Variants in PLA2R1 observed in about 807,000 individuals in gnomAD.
The protein encoded by PLA2R1 is secretory phospholipase A2 receptor.
Under a neutral mutation model 195.9 loss-of-function variants are expected in PLA2R1, and 158 were observed. That is an observed-to-expected ratio of 0.81 (90% CI 0.71 to 0.92). The LOEUF is 0.92. Among genes scored for constraint, PLA2R1 ranks in the 40% least tolerant of loss-of-function variants. The probability of loss-of-function intolerance (pLI) is 0.00; values close to 1 mark genes in which losing one functional copy is unlikely to be tolerated. For missense variants in PLA2R1, 1,626 were observed against 1,764.6 expected (o/e 0.92, Z 1.41); for synonymous variants, 586 against 598.2 (o/e 0.98, Z 0.30).
At chr2:160,020,053 G>A (rs1693005402) in intron 8 of PLA2R1, 53 bp downstream of exon 8, 1 of 1,375,190 alleles carries the variant, frequency 7.3e-7, no homozygotes, top group East Asian at 2.3e-5. Context: ...CAACACAGGT[G>A]GCCTTCAGTA....
In PLA2R1 at chr2:160,033,116, A is replaced by G. The variant is rs200964081; in HGVS notation, c.684T>C (p.Gly228=). Residue 228 remains glycine (G), a synonymous_variant, in exon 4 of 30, where the codon GGT becomes GGC. Coordinates refer to ENST00000283243, the MANE Select transcript of PLA2R1 (RefSeq NM_007366.5). ...GGTCCTTCTCCCAAATAGTATCACA[A>G]CCTACTTCTGCAGAGGCTGGAAACA... ...FCPDPTSAEV[G]CDTIWEKDLN... is the part of the protein sequence containing the mutation. 9.9e-6 allele frequency: 16 copies of G among 1,611,762 alleles called. 1 individual carries two copies. Among genetic ancestry groups the G allele is most frequent in the South Asian group, 5.5e-5 (5 of 90,454 alleles).
chr2:160,007,990 C>T (rs1692110081), intron 10 of PLA2R1, among the ~76,000 whole-genome samples: 1 of 152,220 alleles, frequency 6.6e-6, no homozygotes. Flanking sequence ...TCCAAACTTA[C>T]TACAAAGCTA....
At chr2:159,946,483 T>C (rs746171208) in intron 27 of PLA2R1, 58 of 1,022,906 alleles carry the variant, frequency 5.7e-5, no homozygotes, top group Non-Finnish European at 3.0e-5. Context: ...ACCTGGGATA[T>C]TTTCCAGTAA....
intron 2 of PLA2R1, among the ~76,000 whole-genome samples, chr2:160,043,110 C>A (rs2105601564): frequency 6.6e-6 from 1 of 152,150 alleles, no homozygotes; most frequent in Non-Finnish European, 1.5e-5. Context: ...CAGGGACGTA[C>A]TAGAGTGTCA....
At chr2:160,028,679 C>T (rs1357694532) in intron 5 of PLA2R1, among the ~76,000 whole-genome samples, 171 bp downstream of exon 5, 2 of 152,184 alleles carry the variant, frequency 1.3e-5, no homozygotes, top group Non-Finnish European at 2.9e-5. Context: ...GCTTATCTTC[C>T]TGGTCCCTAT....
At chr2:160,053,250 C>A (rs1695325378) in intron 1 of PLA2R1, among the ~76,000 whole-genome samples, 1 of 151,624 alleles carries the variant, frequency 6.6e-6, no homozygotes, top group Non-Finnish European at 1.5e-5. Flanking sequence ...GTATACCAGT[C>A]ATAATAGACT....
At chr2:160,041,031 T>C (rs1338093116) in intron 3 of PLA2R1, among the ~76,000 whole-genome samples, 1 of 152,182 alleles carries the variant, frequency 6.6e-6, no homozygotes, top group Non-Finnish European at 1.5e-5. Flanking sequence ...CAAAATTTCA[T>C]TGTTGGGAGG....
At chr2:160,021,876 T>C (rs892421817) in intron 7 of PLA2R1, among the ~76,000 whole-genome samples, 3 of 152,202 alleles carry the variant, frequency 2.0e-5, no homozygotes, top group Non-Finnish European at 4.4e-5. Context: ...AATTAAAACT[T>C]GACAGCCTAG....
chr2:160,022,447 A>C (rs1377250004), intron 7 of PLA2R1, among the ~76,000 whole-genome samples: 1 of 152,180 alleles, frequency 6.6e-6, no homozygotes, highest in Non-Finnish European at 1.5e-5. Flanking sequence ...AAAATCATCT[A>C]ATATATGTGG....
intron 29 of PLA2R1, 29 bp from the exon 30 acceptor site, chr2:159,942,021 GA>G (rs1160912328): frequency 6.3e-7 from 1 of 1,593,530 alleles, no homozygotes; most frequent in Non-Finnish European, 8.6e-7. Flanking sequence ...CTTAAAAAAA[GA>G]AAAACTTCAG....
At chr2:160,053,091 T>C (rs1168385225) in intron 1 of PLA2R1, among the ~76,000 whole-genome samples, 1 of 152,146 alleles carries the variant, frequency 6.6e-6, no homozygotes, top group African/African-American at 2.4e-5. Context: ...GAGATTACAG[T>C]GTGGCAGGGA....
chr2:159,972,922 T>G (rs185976070), intron 17 of PLA2R1, among the ~76,000 whole-genome samples: 2 of 152,372 alleles, frequency 1.3e-5, no homozygotes, highest in Non-Finnish European at 2.9e-5. Flanking sequence ...AATTTTTATT[T>G]GCTTCAGATT....
At chr2:160,002,692 CT>C (rs1489872204) in intron 11 of PLA2R1, among the ~76,000 whole-genome samples, 1 of 151,936 alleles carries the variant, frequency 6.6e-6, no homozygotes, top group East Asian at 1.9e-4. Flanking sequence ...ACAGGATATT[CT>C]TATGTACATT....
chr2:160,032,438 G>T (rs561154981), intron 4 of PLA2R1, among the ~76,000 whole-genome samples: 1 of 152,226 alleles, frequency 6.6e-6, no homozygotes, highest in Admixed American at 6.5e-5. Context: ...TAGTTTATCG[G>T]CACAATTCTT....
rs1687417527 is a variant in PLA2R1 at position 159,946,859 on chromosome 2, C to G, written c.3909G>C (p.Leu1303=). Residue 1303 remains leucine (L), a synonymous_variant, in exon 27 of 30, where the codon CTG becomes CTC. Coordinates refer to ENST00000283243, the MANE Select transcript of PLA2R1 (RefSeq NM_007366.5). The part of the protein sequence containing the change: ...EAENAFLLEE[L]FAFGSSVQMV... ...TCTGGACAGAAGAACCAAAAGCAAA[C>G]AGCTCTTCTAGGAGAAATGCATTTT... is the stretch of plus-strand genomic sequence containing the variant. 1.2e-6 allele frequency: 2 copies of G among 1,611,448 alleles called. No homozygotes were observed. Among genetic ancestry groups the G allele is most frequent in the Non-Finnish European group, 1.7e-6 (2 of 1,179,032 alleles).
chr2:160,059,019 C>T (rs13414891), intron 1 of PLA2R1, among the ~76,000 whole-genome samples: 77,204 of 151,956 alleles, frequency 0.51, 20,303 homozygotes, highest in East Asian at 0.68. Context: ...TCTGGGGTGA[C>T]GGGAGACAGT....
chr2:160,034,231 A>G (rs1436116276), intron 3 of PLA2R1, among the ~76,000 whole-genome samples: 1 of 152,034 alleles, frequency 6.6e-6, no homozygotes, highest in African/African-American at 2.4e-5. Flanking sequence ...GGAAATGTGG[A>G]AAGTTTATTT....
At chr2:160,043,760 T>G (rs985758156) in intron 2 of PLA2R1, among the ~76,000 whole-genome samples, 2 of 152,250 alleles carry the variant, frequency 1.3e-5, no homozygotes, top group African/African-American at 4.8e-5. Context: ...GAGTGCTGGT[T>G]TGCAGCACTT....
At chr2:159,991,174 C>A (rs1268275927) in intron 11 of PLA2R1, among the ~76,000 whole-genome samples, 1 of 152,220 alleles carries the variant, frequency 6.6e-6, no homozygotes, top group African/African-American at 2.4e-5. Context: ...CCATGGAGCT[C>A]TCTTGCATCC....
Sources: gnomAD v4.1 joint callset for allele counts (sites outside exome capture counted in the v4.1 genomes callset) on GRCh38, gnomAD v4.1.1 for gene constraint, MANE v1.5 for transcripts, NCBI Gene and HGNC (gene_info 2026-07-23, HGNC 2026-07-21) for gene names.